Variants in MARCHF1 observed in about 807,000 individuals in gnomAD.
The protein encoded by MARCHF1 is E3 ubiquitin-protein ligase MARCHF1.
MARCHF1 carries 40 observed loss-of-function variants against 54.2 expected under a neutral mutation model. That is an observed-to-expected ratio of 0.74 (90% CI 0.57 to 0.96). MARCHF1 has a LOEUF of 0.96. Among genes scored for constraint, MARCHF1 ranks in the 40% least tolerant of loss-of-function variants. The pLI is 0.00. For missense variants in MARCHF1, 586 were observed against 656.5 expected (o/e 0.89, Z 1.17); for synonymous variants, 236 against 236.3 (o/e 1.00, Z 0.01).
chr4:163,609,619 GTGTGTA>G (rs1741258171), intron 7 of MARCHF1, among the ~76,000 whole-genome samples: 1 of 149,404 alleles, frequency 6.7e-6, no homozygotes, highest in Admixed American at 6.7e-5. Flanking sequence ...GTGTGTGTGT[GTGTGTA>G]TATATATATA....
At chr4:164,343,430 C>A (rs1729983955) in intron 1 of MARCHF1, among the ~76,000 whole-genome samples, 1 of 151,996 alleles carries the variant, frequency 6.6e-6, no homozygotes, top group South Asian at 2.1e-4. Context: ...AACAGACAAC[C>A]TACAGAATGG....
At position 164,232,617 on chromosome 4, in the gene MARCHF1, C is replaced by T. The variant is rs78371588; in HGVS notation, c.-322-120955G>A. Among the ~76,000 whole-genome samples the T allele has an allele frequency of 5.6e-3, 850 of 152,234 alleles. 4 individuals carry two copies. The highest frequency in any genetic ancestry group is 8.9e-3 in the Non-Finnish European group (605 of 68,006). On this transcript the variant is annotated intron_variant, in intron 1 of 9. Transcript: ENST00000514618. ...TAGCTTCTTTGGTAATAATGTATTT[C>T]ACATGTGGTTATTCCTTTTAATCAT... is the stretch of plus-strand genomic sequence containing the variant.
chr4:163,785,485 C>T (rs1747592991), intron 4 of MARCHF1, among the ~76,000 whole-genome samples: 2 of 151,830 alleles, frequency 1.3e-5, no homozygotes, highest in East Asian at 1.9e-4. Flanking sequence ...CCCATGTAGC[C>T]AGAATCAAAA....
At chr4:163,775,469 T>C (rs946342902) in intron 4 of MARCHF1, among the ~76,000 whole-genome samples, 4 of 152,182 alleles carry the variant, frequency 2.6e-5, no homozygotes, top group Non-Finnish European at 4.4e-5. Flanking sequence ...GTTATTTTAA[T>C]ATTGTTGAGT....
At chr4:163,614,847 A>G (rs186401069) in intron 5 of MARCHF1, among the ~76,000 whole-genome samples, 1 of 152,214 alleles carries the variant, frequency 6.6e-6, no homozygotes, top group East Asian at 1.9e-4. Context: ...CAGTAGAGTT[A>G]GTCAGAGAGA....
intron 3 of MARCHF1, among the ~76,000 whole-genome samples, chr4:163,873,385 G>A (rs1750221578): frequency 6.6e-6 from 1 of 152,134 alleles, no homozygotes. Context: ...CTGAACCTTG[G>A]CCATTTTCTC....
intron 1 of MARCHF1, among the ~76,000 whole-genome samples, chr4:164,345,193 C>T (rs1319785923): frequency 6.6e-6 from 1 of 152,146 alleles, no homozygotes; most frequent in Non-Finnish European, 1.5e-5. Flanking sequence ...ATACCCTGAT[C>T]TGTTCACCAT....
At chr4:163,651,035 T>A (rs1173189221) in intron 5 of MARCHF1, among the ~76,000 whole-genome samples, 1 of 151,894 alleles carries the variant, frequency 6.6e-6, no homozygotes, top group African/African-American at 2.4e-5. Flanking sequence ...GAAAACAGTA[T>A]CCCAGTCTGA....
At chr4:163,533,020 C>T (rs955891081) in intron 9 of MARCHF1, among the ~76,000 whole-genome samples, 1 of 151,874 alleles carries the variant, frequency 6.6e-6, no homozygotes, top group African/African-American at 2.4e-5. Context: ...TTCAAATGAA[C>T]AAAAACTTAC....
intron 5 of MARCHF1, among the ~76,000 whole-genome samples, chr4:163,690,986 T>C (rs937182875): frequency 6.6e-5 from 10 of 152,156 alleles, no homozygotes; most frequent in Non-Finnish European, 1.5e-4. Flanking sequence ...CTGGGAGTGA[T>C]GATAAGCAGG....
chr4:163,729,520 AC>A (rs1198145646), intron 4 of MARCHF1, among the ~76,000 whole-genome samples: 1 of 151,974 alleles, frequency 6.6e-6, no homozygotes, highest in African/African-American at 2.4e-5. Context: ...TATTGACTCC[AC>A]TTATTTAATA....
At chr4:164,296,061 A>C in intron 1 of MARCHF1, among the ~76,000 whole-genome samples, 1 of 152,280 alleles carries the variant, frequency 6.6e-6, no homozygotes, top group African/African-American at 2.4e-5. Flanking sequence ...TCCCAGCCTT[A>C]TTTCTGTATA....
intron 2 of MARCHF1, among the ~76,000 whole-genome samples, chr4:164,006,990 GAAAAAAAAAAAAAAAAAAAAAAAAAA>G (rs57195057): frequency 0.16 from 3,817 of 23,232 alleles, 143 homozygotes; most frequent in Admixed American, 0.23. Context: ...TCTGAAATCT[GAAAAAAAAAAAAAAAAAAAAAAAAAA>G]AAAAAAAAAA....
At chr4:163,857,074 A>G (rs1276386679) in intron 3 of MARCHF1, among the ~76,000 whole-genome samples, 1 of 150,616 alleles carries the variant, frequency 6.6e-6, no homozygotes, top group Non-Finnish European at 1.5e-5. Flanking sequence ...AAGAAGCAGC[A>G]TGAGTATAGG....
Position 164,101,422 on chromosome 4 carries a change from G to T in MARCHF1, c.-248+10166C>A, listed in dbSNP as rs561409421. 1.7e-4 allele frequency among the ~76,000 whole-genome samples: 20 copies of T among 119,510 alleles called. No individual in the cohort carries two copies. In the South Asian group the frequency reaches 5.1e-3, roughly 30 times the overall value. 78.4% of individuals were successfully genotyped at this position (119,510 alleles called of 152,430 possible). A position where few individuals can be genotyped will look rare whatever the true frequency, so the allele number is the denominator to read the frequency against. On this transcript the variant is annotated intron_variant, in intron 2 of 9. Coordinates refer to ENST00000514618, the MANE Select transcript of MARCHF1 (RefSeq NM_001394959.1). The stretch of plus-strand genomic sequence containing the variant: ...AGCACGCAGCTGGAGATCTGAGAAC[G>T]GGCAGACTGCCTCCTCAAGTGGGTT...
At chr4:164,131,984 C>A (rs1177666580) in intron 1 of MARCHF1, among the ~76,000 whole-genome samples, 1 of 152,092 alleles carries the variant, frequency 6.6e-6, no homozygotes, top group Admixed American at 6.6e-5. Flanking sequence ...TAAATAAAAA[C>A]TTGAATTACT....
chr4:163,867,345 G>A (rs903926147), intron 3 of MARCHF1, among the ~76,000 whole-genome samples: 5 of 151,808 alleles, frequency 3.3e-5, no homozygotes, highest in African/African-American at 7.3e-5. Flanking sequence ...TAATTTCTTT[G>A]TTAGATAACT....
intron 4 of MARCHF1, 125 bp from the exon 5 acceptor site, chr4:163,700,988 T>C (rs1744794754): frequency 1.6e-6 from 1 of 634,302 alleles, no homozygotes; most frequent in South Asian, 1.8e-5. Flanking sequence ...TTTTGACTAA[T>C]ACACATATTA....
chr4:163,756,580 C>T (rs1267021135), intron 4 of MARCHF1, among the ~76,000 whole-genome samples: 5 of 129,136 alleles, frequency 3.9e-5, no homozygotes, highest in Admixed American at 2.9e-4. Flanking sequence ...TGCAGTGAGC[C>T]GAGATAGCGC....
Sources: allele counts gnomAD v4.1 joint callset (sites outside exome capture counted in the v4.1 genomes callset), GRCh38; gene constraint gnomAD v4.1.1; transcripts MANE v1.5; gene names NCBI Gene and HGNC (gene_info 2026-07-23, HGNC 2026-07-21).